The following SNX32 variants were observed in gnomAD, a reference collection of about 807,000 sequenced individuals.
SNX32 encodes the protein sorting nexin-32.
Under a neutral mutation model 57.0 loss-of-function variants are expected in SNX32, and 58 were observed. The observed-to-expected ratio is 1.02, with a 90% CI of 0.82 to 1.27. The LOEUF is 1.27. Ranked by LOEUF, SNX32 falls within the 50% of genes most tolerant of loss-of-function variation. The pLI is 0.00. For missense variants in SNX32, 589 were observed against 541.2 expected (o/e 1.09, Z -0.88); for synonymous variants, 262 against 220.4 (o/e 1.19, Z -1.67).
At position 65,852,871 on chromosome 11, in the gene SNX32, A is replaced by G. The variant is rs1219669483; in HGVS notation, c.1073-2A>G. The G allele has an allele frequency of 1.2e-6, 2 of 1,613,778 alleles. No homozygotes were observed. Among genetic ancestry groups the G allele is most frequent in the East Asian group, 4.5e-5 (2 of 44,872 alleles). On this transcript the variant is annotated splice_acceptor_variant, in intron 11 of 12. Transcript: ENST00000308342. LOFTEE classifies it high-confidence loss of function. The stretch of plus-strand genomic sequence containing the variant: ...CCCCATGCCTCTTCCCCTCCTCTCC[A>G]GAGCTCATGGACTTCAAGTCCCGCC...
intron 1 of SNX32, among the ~76,000 whole-genome samples, chr11:65,835,841 G>C (rs1858655461): frequency 6.6e-6 from 1 of 152,142 alleles, no homozygotes; most frequent in Non-Finnish European, 1.5e-5. Context: ...AAGTGGTTTA[G>C]AGGGGCAAGA....
chr11:65,853,423 C>A lies in SNX32; in HGVS notation c.*88C>A. 1 of 1,328,958 alleles carries A rather than the reference C, an allele frequency of 7.5e-7. No individual in the cohort carries two copies. Among genetic ancestry groups the A allele is most frequent in the Non-Finnish European group, 1.1e-6 (1 of 927,460 alleles). The allele number at this position is 1,328,958 out of a possible 1,614,324, so 82.3% of individuals were successfully genotyped here. ...CTCTCTCCGGCAAGATGTCTCCTTC[C>A]CTAGCAGTGCCACTAGCCACACCCT... On this transcript the variant is annotated 3_prime_UTR_variant, in exon 13 of 13. Coordinates refer to ENST00000308342, the MANE Select transcript of SNX32 (RefSeq NM_152760.3).
chr11:65,834,928 GTCTGTGTGTGCA>G (rs1858623031), intron 1 of SNX32, among the ~76,000 whole-genome samples: 1 of 151,048 alleles, frequency 6.6e-6, no homozygotes, highest in African/African-American at 2.4e-5. Flanking sequence ...ATGTCAGTGT[GTCTGTGTGTGCA>G]TCTGTGTGTG....
intron 1 of SNX32, among the ~76,000 whole-genome samples, chr11:65,846,567 GAAA>G (rs199953456): frequency 1.1e-4 from 13 of 118,392 alleles, no homozygotes; most frequent in Non-Finnish European, 2.2e-4. Flanking sequence ...ACTCTGTCTC[GAAA>G]AAAAAAAAAA....
At chr11:65,837,080 T>C (rs984885708) in intron 1 of SNX32, among the ~76,000 whole-genome samples, 14 of 151,508 alleles carry the variant, frequency 9.2e-5, no homozygotes, top group African/African-American at 2.4e-5. Context: ...AAAATTAAAA[T>C]AAACAAATAA....
rs902069100 is a variant in SNX32 at position 65,852,718 on chromosome 11, T to C, written c.1001T>C (p.Val334Ala). Reference protein sequence around the residue: ...LDKARTRNREVRPAESHQQLC... With the variant: ...LDKARTRNREARPAESHQQLC... The stretch of plus-strand genomic sequence containing the variant: ...AAGGCGCGCACCAGGAACCGGGAGG[T>C]GCGGCCCGCCGAGAGCCACCAGCAG... Residue 334 changes from valine to alanine, a missense_variant, in exon 11 of 13, where the codon GTG becomes GCG. Coordinates refer to ENST00000308342, the MANE Select transcript of SNX32 (RefSeq NM_152760.3). The C allele has an allele frequency of 1.9e-6, 3 of 1,598,344 alleles. No homozygotes were observed. In the African/African-American group the frequency reaches 4.0e-5, roughly 21 times the overall value.
chr11:65,844,112 C>G (rs1036025164), intron 1 of SNX32, among the ~76,000 whole-genome samples: 7 of 152,070 alleles, frequency 4.6e-5, no homozygotes, highest in Non-Finnish European at 7.4e-5. Flanking sequence ...ATATTCGATG[C>G]AATCACAATC....
rs550753140 is a variant in SNX32 at position 65,845,214 on chromosome 11, C to T, written c.37-4264C>T. ...CAGCACTTTGGGAGGCCGAGGCGGG[C>T]GGATCATGAGGTCTGGAGATCGAGA... is the stretch of plus-strand genomic sequence containing the variant. On this transcript the variant is annotated intron_variant, in intron 1 of 12. Coordinates refer to ENST00000308342, the MANE Select transcript of SNX32 (RefSeq NM_152760.3). Among the ~76,000 whole-genome samples, 18 of 147,480 alleles carry T rather than the reference C, an allele frequency of 1.2e-4. 2 individuals carry two copies. Among genetic ancestry groups the T allele is most frequent in the Middle Eastern group, 3.7e-3 (1 of 272 alleles).
Position 65,852,729 on chromosome 11 carries a change from G to A in SNX32, c.1012G>A (p.Glu338Lys), listed in dbSNP as rs759505703. The A allele has an allele frequency of 1.1e-5, 17 of 1,605,262 alleles. No individual in the cohort carries two copies. Among genetic ancestry groups the A allele is most frequent in the Admixed American group, 3.4e-5 (2 of 59,576 alleles). Reference sequence around the variant, plus strand: ...CAGGAACCGGGAGGTGCGGCCCGCCGAGAGCCACCAGCAGCTGTGCTGCCA... The same window carrying A: ...CAGGAACCGGGAGGTGCGGCCCGCCAAGAGCCACCAGCAGCTGTGCTGCCA... ...RTRNREVRPA[E>K]SHQQLCCQRF... The change falls in exon 11 of 13, where the codon GAG (glutamate) becomes AAG (lysine). Residue 338 changes from glutamate (E) to lysine (K), a missense_variant. Transcript: ENST00000308342.
rs201795634 is a variant in SNX32, at chr11:65,852,542, G to A, written c.903G>A (p.Gln301=). 84 of 1,614,240 alleles carry A rather than the reference G, an allele frequency of 5.2e-5. No homozygotes were observed. In the East Asian group the frequency reaches 1.8e-3, roughly 35 times the overall value. The change falls in exon 10 of 13, where the codon CAG becomes CAA. Residue 301 remains glutamine, a synonymous_variant. Coordinates refer to ENST00000308342, the MANE Select transcript of SNX32 (RefSeq NM_152760.3). The stretch of plus-strand genomic sequence containing the variant: ...TGAGGTACTACATGCGTGACTCACA[G>A]GCAGCCAAGGTGAGAGGCAGCCCCA... ...DMLRYYMRDS[Q]AAKDLLYRRL...
chr11:65,852,638 G>A lies in SNX32; in HGVS notation c.921G>A (p.Leu307=), dbSNP rs1337042548. ...MRDSQAAKDL[L]YRRLRALADY... Reference sequence around the variant, plus strand: ...TGTGCCCATGGTCCTAGGACCTGCTGTACCGGCGGCTGCGGGCACTGGCCG... The same window carrying A: ...TGTGCCCATGGTCCTAGGACCTGCTATACCGGCGGCTGCGGGCACTGGCCG... Residue 307 remains leucine, a synonymous_variant, in exon 11 of 13, where the codon CTG becomes CTA. Coordinates refer to ENST00000308342, the MANE Select transcript of SNX32 (RefSeq NM_152760.3). 5 of 1,609,378 alleles carry A rather than the reference G, an allele frequency of 3.1e-6. No homozygotes were observed. The highest frequency in any genetic ancestry group is 1.7e-5 in the Admixed American group (1 of 59,408).
intron 1 of SNX32, among the ~76,000 whole-genome samples, chr11:65,841,411 A>AT (rs1484889459): frequency 6.6e-6 from 1 of 151,508 alleles, no homozygotes; most frequent in Admixed American, 6.6e-5. Flanking sequence ...TAATTTTTGT[A>AT]TTTTTTTGTA....
At position 65,852,841 on chromosome 11, in the gene SNX32, C is replaced by G. The variant is rs779009523; in HGVS notation, c.1073-32C>G. 6.6e-5 allele frequency: 106 copies of G among 1,613,754 alleles called. No individual in the cohort carries two copies. The South Asian group carries it at 9.0e-4, about 14-fold the overall frequency. ...CTGGGGCCACATGCCCTGCCCTGCC[C>G]GGATCCCCATGCCTCTTCCCCTCCT... On this transcript the variant is annotated intron_variant, in intron 11 of 12. Transcript: ENST00000308342.
intron 1 of SNX32, among the ~76,000 whole-genome samples, chr11:65,849,203 A>G (rs1271952935): frequency 6.6e-6 from 1 of 152,220 alleles, no homozygotes; most frequent in African/African-American, 2.4e-5. Context: ...GCAGCTGCAT[A>G]ACCTTGGACA....
intron 1 of SNX32, among the ~76,000 whole-genome samples, chr11:65,843,342 G>T (rs1348881939): frequency 6.6e-6 from 1 of 152,124 alleles, no homozygotes; most frequent in Non-Finnish European, 1.5e-5. Flanking sequence ...GCCAAGGAGG[G>T]TAGATCACTT....
At chr11:65,839,732 CAAA>C (rs139892606) in intron 1 of SNX32, among the ~76,000 whole-genome samples, 26 of 120,498 alleles carry the variant, frequency 2.2e-4, no homozygotes, top group Admixed American at 3.2e-4. Flanking sequence ...GACCCTGTCC[CAAA>C]AAAAAAAAAA....
chr11:65,836,018 G>T (rs1476888069), intron 1 of SNX32, among the ~76,000 whole-genome samples: 1 of 152,076 alleles, frequency 6.6e-6, no homozygotes, highest in Non-Finnish European at 1.5e-5. Context: ...ATAAGGGTTA[G>T]CTATTATATT....
chr11:65,851,671 C>T lies in SNX32; in HGVS notation c.817C>T (p.Arg273Trp), dbSNP rs1450972817. ...CCTCAAATTGGCAGAGCTCTTTGAA[C>T]GGCTGAGGGTGAGTACTGCCTTCTG... is the stretch of plus-strand genomic sequence containing the variant. ...SFLKLAELFE[R>W]LRKLEGRVAS... The change falls in exon 9 of 13, where the codon CGG (arginine) becomes TGG (tryptophan). Residue 273 changes from arginine to tryptophan, a missense_variant. Transcript: ENST00000308342. The T allele has an allele frequency of 1.1e-5, 18 of 1,613,990 alleles. No homozygotes were observed. Among genetic ancestry groups the T allele is most frequent in the African/African-American group, 1.1e-4 (8 of 74,926 alleles).
chr11:65,845,135 TAAA>T (rs766803127), intron 1 of SNX32, among the ~76,000 whole-genome samples: 11 of 101,950 alleles, frequency 1.1e-4, no homozygotes, highest in Non-Finnish European at 1.2e-4. Context: ...CCCCCTGCTT[TAAA>T]AAAAAAAAAA....
Sources: allele counts gnomAD v4.1 joint callset (sites outside exome capture counted in the v4.1 genomes callset), GRCh38; gene constraint gnomAD v4.1.1; transcripts MANE v1.5; gene names NCBI Gene and HGNC (gene_info 2026-07-23, HGNC 2026-07-21).